DAZAP2: variants seen among roughly 807,000 people sequenced by gnomAD.
DAZAP2 encodes the protein DAZ associated protein 2.
Under a neutral mutation model 16.2 loss-of-function variants are expected in DAZAP2, and 3 were observed. The ratio of observed to expected loss-of-function variants is 0.19; its 90% confidence interval spans 0.08 to 0.48. The LOEUF (loss-of-function observed/expected upper bound fraction) is 0.48, where lower values mean the gene tolerates loss of function less well. Among genes scored for constraint, DAZAP2 ranks in the 20% least tolerant of loss-of-function variants. The pLI is 0.98. For synonymous variants in DAZAP2, 69 were observed against 77.6 expected (o/e 0.89, Z 0.58); for missense variants, 172 against 215.9 (o/e 0.80, Z 1.27).
At chr12:51,242,203 G>A (rs76909895) in intron 3 of DAZAP2, 127 bp from the exon 4 acceptor site, 77,320 of 1,335,430 alleles carry the variant, frequency 0.058, 2,641 homozygotes, top group Non-Finnish European at 0.067. Flanking sequence ...AATTGGTGGC[G>A]GAACTAGCTC....
At position 51,242,756 on chromosome 12, in the gene DAZAP2, G is replaced by C; in HGVS notation, c.*298G>C. 1 of 1,417,510 alleles carries C rather than the reference G, an allele frequency of 7.1e-7. No individual in the cohort carries two copies. The highest frequency in any genetic ancestry group is 9.2e-7 in the Non-Finnish European group (1 of 1,090,444). The allele number at this position is 1,417,510 out of a possible 1,614,324, so 87.8% of individuals were successfully genotyped here. A position where few individuals can be genotyped will look rare whatever the true frequency, so the allele number is the denominator to read the frequency against. On this transcript the variant is annotated 3_prime_UTR_variant, in exon 4 of 4. Coordinates refer to ENST00000412716, the MANE Select transcript of DAZAP2 (RefSeq NM_014764.4). ...TCTGGAGTAATACTGTACCATACTG[G>C]TCTTTGCTTTTAGTAATAAAACATC...
chr12:51,240,900 G>A lies in DAZAP2; in HGVS notation c.162G>A (p.Gly54=), dbSNP rs746435496. 2 of 1,614,042 alleles carry A rather than the reference G, an allele frequency of 1.2e-6. No individual in the cohort carries two copies. The highest frequency in any genetic ancestry group is 2.2e-5 in the East Asian group (1 of 44,878). ...ELYRPSFVHP[G]AATVPTMSAA... ...ATCGTCCGAGCTTTGTGCACCCAGG[G>A]GCTGCCACAGTCCCCACCATGTCAG... Residue 54 remains glycine (G), a synonymous_variant, in exon 3 of 4, where the codon GGG becomes GGA. Coordinates refer to ENST00000412716, the MANE Select transcript of DAZAP2 (RefSeq NM_014764.4).
chr12:51,238,904 C>T lies in DAZAP2; in HGVS notation c.-4C>T. The T allele has an allele frequency of 6.2e-7, 1 of 1,613,586 alleles. No individual in the cohort carries two copies. Among genetic ancestry groups the T allele is most frequent in the Non-Finnish European group, 8.5e-7 (1 of 1,179,934 alleles). ...CGCCGAGACAAACCGGACCCGCAAC[C>T]ACCATGAACAGCAAAGGCAAGGACC... is the stretch of plus-strand genomic sequence containing the variant. On this transcript the variant is annotated 5_prime_UTR_variant, in exon 1 of 4. Transcript: ENST00000412716.
rs1944700764 is a variant in DAZAP2 at position 51,242,714 on chromosome 12, G to C, written c.*256G>C. On this transcript the variant is annotated 3_prime_UTR_variant, in exon 4 of 4. Transcript: ENST00000412716. The stretch of plus-strand genomic sequence containing the variant: ...TGAATGTGGGTGAAGCCGCCCTAAG[G>C]ATTTTCCTTTAATTTCTCTGGAGTA... 1 of 1,472,690 alleles carries C rather than the reference G, an allele frequency of 6.8e-7. No individual in the cohort carries two copies. Among genetic ancestry groups the C allele is most frequent in the African/African-American group, 1.4e-5 (1 of 70,484 alleles). The allele number at this position is 1,472,690 out of a possible 1,614,324, so 91.2% of individuals were successfully genotyped here.
At chr12:51,246,478 C>T, downstream of DAZAP2, 1 of 431,928 alleles carries the variant, frequency 2.3e-6, no homozygotes, top group South Asian at 5.2e-5. Context: ...CTCAACCAAC[C>T]ACATATATCC....
chr12:51,240,988 G>A lies in DAZAP2; in HGVS notation c.250G>A (p.Gly84Ser). The A allele has an allele frequency of 6.2e-7, 1 of 1,614,138 alleles. No homozygotes were observed. Among genetic ancestry groups the A allele is most frequent in the East Asian group, 2.2e-5 (1 of 44,876 alleles). Reference protein sequence around the residue: ...MAQSVAVGPLGSTIPMAYYPV... With the variant: ...MAQSVAVGPLSSTIPMAYYPV... ...CCAGTCTGTGGCTGTTGGGCCTTTA[G>A]GTTCCACAATCCCCATGGCTTATTA... Residue 84 changes from glycine (G) to serine (S), a missense_variant, in exon 3 of 4, where the codon GGT (glycine) becomes AGT (serine). Physicochemically the swap from Gly to Ser is moderately conservative, Grantham distance 56. Transcript: ENST00000412716.
chr12:51,246,304 G>A, downstream of DAZAP2: 1 of 789,874 alleles, frequency 1.3e-6, no homozygotes, highest in Non-Finnish European at 1.9e-6. Flanking sequence ...AATAGCTGGA[G>A]TCTCCTGGTG....
Position 51,240,426 on chromosome 12 carries a change from C to T in DAZAP2, c.97C>T (p.Pro33Ser). ...TCAGACCTTGCATCTTCCTCAGGCT[C>T]CACCCTATACCGATGCTCCACCTGC... ...YPQTLHLPQA[P>S]PYTDAPPAYS... The change falls in exon 2 of 4, where the codon CCA (proline) becomes TCA (serine). Residue 33 changes from proline (P) to serine (S), a missense_variant. Physicochemically the swap from Pro to Ser is moderately conservative, Grantham distance 74 (BLOSUM62 -1). Coordinates refer to ENST00000412716, the MANE Select transcript of DAZAP2 (RefSeq NM_014764.4). The T allele has an allele frequency of 6.2e-7, 1 of 1,614,114 alleles. No homozygotes were observed.
downstream of DAZAP2, chr12:51,245,812 C>T (rs1242631908): frequency 5.5e-6 from 6 of 1,083,682 alleles, no homozygotes; most frequent in Admixed American, 1.1e-4. Flanking sequence ...GGACTGCGAC[C>T]TGGCTGGAGC....
chr12:51,239,052 A>C, intron 1 of DAZAP2, 132 bp downstream of exon 1: 1 of 1,338,332 alleles, frequency 7.5e-7, no homozygotes, highest in Non-Finnish European at 1.0e-6. Flanking sequence ...GCTGCAGTCC[A>C]GGGCGCTGCG....
rs1944720594 is a variant in DAZAP2 at position 51,243,588 on chromosome 12, TTA to T, written c.*1132_*1133del. The T allele has an allele frequency of 1.0e-6, 1 of 985,116 alleles. No homozygotes were observed. The highest frequency in any genetic ancestry group is 1.2e-6 in the Non-Finnish European group (1 of 829,468). The allele number at this position is 985,116 out of a possible 1,614,324, so 61.0% of individuals were successfully genotyped here. A position where few individuals can be genotyped will look rare whatever the true frequency, so the allele number is the denominator to read the frequency against. ...TTCTGAAATTGGATTTTATTTTATT[TTA>T]TCTTATAATTTCAGTTCATCTAAAT... On this transcript the variant is annotated 3_prime_UTR_variant, in exon 4 of 4. Coordinates refer to ENST00000412716, the MANE Select transcript of DAZAP2 (RefSeq NM_014764.4).
At chr12:51,246,182 G>A (rs1944768066), downstream of DAZAP2, 1 of 1,583,282 alleles carries the variant, frequency 6.3e-7, no homozygotes, top group South Asian at 1.1e-5. Context: ...GTAGTTCCTG[G>A]AGTCATCTGA....
At chr12:51,245,189 C>T (rs1174362884), downstream of DAZAP2, 1 of 152,156 alleles carries the variant, frequency 6.6e-6, no homozygotes, top group Non-Finnish European at 1.5e-5. Flanking sequence ...ATCTTTGTCT[C>T]AAATCCCTGA....
chr12:51,243,745 C>CT lies in DAZAP2; in HGVS notation c.*1288dup. On this transcript the variant is annotated 3_prime_UTR_variant, in exon 4 of 4. Coordinates refer to ENST00000412716, the MANE Select transcript of DAZAP2 (RefSeq NM_014764.4). ...TTATACTAAAAATGTAGAATAAAGA[C>CT]TATTTTGAAGATTTGAATAAAGTGA... is the stretch of plus-strand genomic sequence containing the variant. 1.0e-6 allele frequency: 1 copy of CT among 985,598 alleles called. No individual in the cohort carries two copies. The highest frequency in any genetic ancestry group is 1.2e-6 in the Non-Finnish European group (1 of 829,736). The allele number at this position is 985,598 out of a possible 1,614,324, so 61.1% of individuals were successfully genotyped here.
At chr12:51,245,716 A>T, downstream of DAZAP2, 1 of 495,602 alleles carries the variant, frequency 2.0e-6, no homozygotes, top group Non-Finnish European at 3.6e-6. Context: ...CACAAACACC[A>T]GCTCTAGTAA....
chr12:51,240,805 C>T, intron 2 of DAZAP2, 66 bp from the exon 3 acceptor site: 1 of 1,572,436 alleles, frequency 6.4e-7, no homozygotes, highest in South Asian at 1.1e-5. Flanking sequence ...AGAATTAGCT[C>T]ATTAAAGAGA....
chr12:51,241,250 G>A (rs1261405137), intron 3 of DAZAP2, 134 bp downstream of exon 3: 2 of 1,385,944 alleles, frequency 1.4e-6, no homozygotes, highest in African/African-American at 2.9e-5. Flanking sequence ...CCAATACTCA[G>A]GCAGAAAGTG....
Position 51,240,474 on chromosome 12 carries a change from T to G in DAZAP2, c.132+13T>G. 1.2e-5 allele frequency: 19 copies of G among 1,604,308 alleles called. No individual in the cohort carries two copies. Among genetic ancestry groups the G allele is most frequent in the Non-Finnish European group, 1.6e-5 (19 of 1,171,080 alleles). On this transcript the variant is annotated intron_variant, in intron 2 of 3. Coordinates refer to ENST00000412716, the MANE Select transcript of DAZAP2 (RefSeq NM_014764.4). ...TGCCTACTCAGAGGTGCTTCCAGTT[T>G]GCCAGATTTGAACTAGCTGGGAATA...
downstream of DAZAP2, chr12:51,245,975 G>A (rs1266073644): frequency 6.2e-7 from 1 of 1,613,848 alleles, no homozygotes. Flanking sequence ...GCTGCCCTTG[G>A]CCAAGTCACT....
Sources: allele counts gnomAD v4.1 joint callset, GRCh38; gene constraint gnomAD v4.1.1; transcripts MANE v1.5; gene names NCBI Gene and HGNC (gene_info 2026-07-23, HGNC 2026-07-21).